Variants in CCDC39 observed in about 807,000 individuals in gnomAD.
CCDC39 encodes coiled-coil domain 39 molecular ruler complex subunit, also known as coiled-coil domain-containing protein 39.
A neutral mutation model predicts 121.0 loss-of-function variants in CCDC39; 113 were observed. That is an observed-to-expected ratio of 0.93 (90% CI 0.80 to 1.09). The LOEUF (loss-of-function observed/expected upper bound fraction) is 1.09, where lower values mean the gene tolerates loss of function less well. Among genes scored for constraint, CCDC39 ranks in the 50% least tolerant of loss-of-function variants. CCDC39 has a pLI of 0.00. For missense variants in CCDC39, 1,063 were observed against 1,074.7 expected (o/e 0.99, Z 0.15); for synonymous variants, 349 against 352.2 (o/e 0.99, Z 0.10).
At chr3:180,654,501 G>T (rs1711537075) in intron 7 of CCDC39, among the ~76,000 whole-genome samples, 2 of 151,356 alleles carry the variant, frequency 1.3e-5, no homozygotes, top group Admixed American at 1.3e-4. Context: ...AAAATGAAAA[G>T]GTAACCTACA....
chr3:180,650,390 G>A (rs1284704385), intron 9 of CCDC39, among the ~76,000 whole-genome samples: 1 of 152,122 alleles, frequency 6.6e-6, no homozygotes, highest in African/African-American at 2.4e-5. Context: ...GATGATGATG[G>A]GAATTTGATT....
At chr3:180,677,631 T>C (rs1278212716) in intron 1 of CCDC39, among the ~76,000 whole-genome samples, 1 of 152,114 alleles carries the variant, frequency 6.6e-6, no homozygotes, top group African/African-American at 2.4e-5. Flanking sequence ...TCAAGTAATA[T>C]TTACCTGAAA....
Position 180,614,919 on chromosome 3 carries a change from G to A in CCDC39, c.*2C>T. 1.3e-6 allele frequency: 2 copies of A among 1,553,324 alleles called. No individual in the cohort carries two copies. Among genetic ancestry groups the A allele is most frequent in the Non-Finnish European group, 1.7e-6 (2 of 1,147,110 alleles). ...CAACTTTTTCAGAAGAGATTAAAATGTTTATTTGCTGCTCTTTTTGCTCTT... is the reference window on the plus strand; with the variant it reads ...CAACTTTTTCAGAAGAGATTAAAATATTTATTTGCTGCTCTTTTTGCTCTT... On this transcript the variant is annotated 3_prime_UTR_variant, in exon 20 of 20. Coordinates refer to ENST00000476379, the MANE Select transcript of CCDC39 (RefSeq NM_181426.2).
At chr3:180,678,832 C>G (rs1712308441) in intron 1 of CCDC39, among the ~76,000 whole-genome samples, 1 of 152,144 alleles carries the variant, frequency 6.6e-6, no homozygotes. Context: ...TCACTTTCAG[C>G]TTTAAACATT....
At chr3:180,658,005 G>A (rs1009706197) in intron 6 of CCDC39, among the ~76,000 whole-genome samples, 5 of 148,704 alleles carry the variant, frequency 3.4e-5, no homozygotes, top group African/African-American at 7.4e-5. Flanking sequence ...TTTGGGAGGC[G>A]GGTGGATTGC....
intron 14 of CCDC39, among the ~76,000 whole-genome samples, chr3:180,629,915 T>G (rs1717655512): frequency 6.6e-6 from 1 of 152,194 alleles, no homozygotes. Context: ...GTGAGTTAGG[T>G]TAATCAGCAT....
intron 9 of CCDC39, among the ~76,000 whole-genome samples, chr3:180,650,487 T>C (rs770458977): frequency 7.9e-5 from 12 of 152,118 alleles, no homozygotes; most frequent in Non-Finnish European, 1.8e-4. Flanking sequence ...CAAATAGATA[T>C]ATGGATGATG....
At chr3:180,659,417 A>C in intron 6 of CCDC39, 35 bp downstream of exon 6, 1 of 1,607,272 alleles carries the variant, frequency 6.2e-7, no homozygotes, top group Non-Finnish European at 8.5e-7. Context: ...AGACAAATGC[A>C]GCTGAACATT....
intron 14 of CCDC39, among the ~76,000 whole-genome samples, chr3:180,620,267 A>G (rs1004031768): frequency 6.6e-6 from 1 of 152,050 alleles, no homozygotes; most frequent in Non-Finnish European, 1.5e-5. Flanking sequence ...TTAATCAAGT[A>G]TAAATATTAC....
At chr3:180,660,429 T>A in intron 4 of CCDC39, 141 bp downstream of exon 4, 1 of 641,240 alleles carries the variant, frequency 1.6e-6, no homozygotes, top group Non-Finnish European at 2.5e-6. Flanking sequence ...GACATTTGGC[T>A]TTATTAGCTT....
At chr3:180,665,109 A>T (rs1444420644) in intron 1 of CCDC39, among the ~76,000 whole-genome samples, 1 of 152,160 alleles carries the variant, frequency 6.6e-6, no homozygotes, top group African/African-American at 2.4e-5. Context: ...ATCAAGCATG[A>T]TTTCTTCTCC....
chr3:180,641,340 A>G (rs1235870927), intron 13 of CCDC39, among the ~76,000 whole-genome samples: 1 of 152,102 alleles, frequency 6.6e-6, no homozygotes, highest in Non-Finnish European at 1.5e-5. Context: ...TGCAAAAACA[A>G]TGAAAGCTTT....
At chr3:180,657,792 G>C (rs919339467) in intron 6 of CCDC39, among the ~76,000 whole-genome samples, 5 of 152,114 alleles carry the variant, frequency 3.3e-5, no homozygotes, top group African/African-American at 1.2e-4. Context: ...GCTAATTGGA[G>C]TGTATATTCA....
chr3:180,668,189 C>T (rs1711939123), intron 1 of CCDC39, among the ~76,000 whole-genome samples: 2 of 152,036 alleles, frequency 1.3e-5, no homozygotes, highest in African/African-American at 4.8e-5. Context: ...ACCAGTCTTG[C>T]AAACATGGCA....
At chr3:180,615,099 T>C (rs1357655814) in intron 19 of CCDC39, 22 bp from the exon 20 acceptor site, 2 of 1,499,148 alleles carry the variant, frequency 1.3e-6, no homozygotes, top group East Asian at 4.9e-5. Flanking sequence ...ACCAGAATTA[T>C]AAATTCAATG....
chr3:180,678,260 G>A (rs1199029827), intron 1 of CCDC39, among the ~76,000 whole-genome samples: 1 of 152,082 alleles, frequency 6.6e-6, no homozygotes, highest in African/African-American at 2.4e-5. Context: ...CCTCCTTTGG[G>A]GAAAAATTGC....
chr3:180,628,568 A>G (rs2108411372), intron 14 of CCDC39, among the ~76,000 whole-genome samples: 1 of 152,304 alleles, frequency 6.6e-6, no homozygotes, highest in Non-Finnish European at 1.5e-5. Context: ...CAGCAGCCCT[A>G]GAAACTAATA....
At chr3:180,648,630 T>A (rs1184338206) in intron 9 of CCDC39, among the ~76,000 whole-genome samples, 1 of 152,138 alleles carries the variant, frequency 6.6e-6, no homozygotes, top group East Asian at 1.9e-4. Context: ...TAGCAGTTGG[T>A]CATTCTACTG....
intron 6 of CCDC39, among the ~76,000 whole-genome samples, chr3:180,655,740 T>TAGGGTTTAGGGCCA (rs1420799076): frequency 6.6e-6 from 1 of 151,964 alleles, no homozygotes; most frequent in Non-Finnish European, 1.5e-5. Context: ...GCTGGAAAGG[T>TAGGGTTTAGGGCCA]AGGGTTTAGG....
Sources: gnomAD v4.1 joint callset for allele counts (sites outside exome capture counted in the v4.1 genomes callset) on GRCh38, gnomAD v4.1.1 for gene constraint, MANE v1.5 for transcripts, NCBI Gene and HGNC (gene_info 2026-07-23, HGNC 2026-07-21) for gene names.